ADAMTSL1: variants seen among roughly 807,000 people sequenced by gnomAD.
The protein encoded by ADAMTSL1 is ADAMTS like 1.
Under a neutral mutation model 201.8 loss-of-function variants are expected in ADAMTSL1, and 126 were observed. The observed-to-expected ratio is 0.62, with a 90% CI of 0.54 to 0.72. The LOEUF (loss-of-function observed/expected upper bound fraction) is 0.72. ADAMTSL1 is among the 30% of genes least tolerant of loss of function. The pLI, the probability that ADAMTSL1 is intolerant of heterozygous loss-of-function variation, is 0.00. For missense variants in ADAMTSL1, 2,679 were observed against 2,277.8 expected, an observed-to-expected ratio of 1.18 and a Z score of -3.59; for synonymous variants, 1,121 against 903.4, an observed-to-expected ratio of 1.24 and a Z score of -4.32.
chr9:18,132,914 C>A (rs573344906), intron 1 of ADAMTSL1, among the ~76,000 whole-genome samples: 1 of 152,056 alleles, frequency 6.6e-6, no homozygotes, highest in Non-Finnish European at 1.5e-5. Context: ...CAAGAATTTG[C>A]CAAGGATTAC....
chr9:18,232,693 T>G lies in ADAMTSL1; in HGVS notation c.207+68712T>G, dbSNP rs879265574. On this transcript the variant is annotated intron_variant, in intron 2 of 29. Coordinates refer to the ADAMTSL1 transcript ENST00000680146. Reference sequence around the variant, plus strand: ...TTCCTTCTATTTCTGCTCTGAATCATTCTGACAAATAGTAAATTTGTACAC... The same window carrying G: ...TTCCTTCTATTTCTGCTCTGAATCAGTCTGACAAATAGTAAATTTGTACAC... Among the ~76,000 whole-genome samples the G allele has an allele frequency of 7.9e-5, 12 of 152,272 alleles. 1 individual carries two copies. The highest frequency in any genetic ancestry group is 5.9e-4 in the Admixed American group (9 of 15,288).
intron 2 of ADAMTSL1, among the ~76,000 whole-genome samples, chr9:18,193,574 T>C (rs75872494): frequency 0.013 from 1,902 of 151,846 alleles, 56 homozygotes; most frequent in African/African-American, 0.044. Context: ...GATGTCCAAA[T>C]CCAGATGTGA....
At chr9:18,904,218 C>G (rs1830162564) in intron 26 of ADAMTSL1, among the ~76,000 whole-genome samples, 1 of 152,094 alleles carries the variant, frequency 6.6e-6, no homozygotes, top group African/African-American at 2.4e-5. Flanking sequence ...CCTGGACTCC[C>G]AGCACTTTGG....
intron 2 of ADAMTSL1, among the ~76,000 whole-genome samples, chr9:18,372,770 C>T (rs745426358): frequency 6.6e-6 from 1 of 152,178 alleles, no homozygotes; most frequent in Middle Eastern, 3.2e-3. Context: ...ATGTGGGGCT[C>T]TCTAAAATAT....
intron 2 of ADAMTSL1, among the ~76,000 whole-genome samples, chr9:18,322,963 T>C (rs75418861): frequency 0.022 from 3,292 of 152,298 alleles, 71 homozygotes; most frequent in African/African-American, 0.06. Context: ...ATGAAGCATT[T>C]AAGGAAGAGC....
chr9:18,036,458 G>A (rs766700520), intron 1 of ADAMTSL1, among the ~76,000 whole-genome samples: 2 of 152,184 alleles, frequency 1.3e-5, no homozygotes, highest in South Asian at 4.1e-4. Flanking sequence ...CTTGGTCAAA[G>A]TAACTCTAGG....
chr9:18,288,167 T>C (rs1833097241), intron 2 of ADAMTSL1, among the ~76,000 whole-genome samples: 1 of 152,004 alleles, frequency 6.6e-6, no homozygotes, highest in South Asian at 2.1e-4. Flanking sequence ...TCACATTCAG[T>C]CGACAATCTT....
chr9:17,976,413 T>C (rs1298916512), intron 1 of ADAMTSL1, among the ~76,000 whole-genome samples: 1 of 152,030 alleles, frequency 6.6e-6, no homozygotes, highest in African/African-American at 2.4e-5. Context: ...ATCAGTATTT[T>C]ATAGTTTTTG....
chr9:17,997,565 C>T (rs987980405), intron 1 of ADAMTSL1, among the ~76,000 whole-genome samples: 2 of 152,128 alleles, frequency 1.3e-5, no homozygotes, highest in Non-Finnish European at 1.5e-5. Context: ...AGACAAATAT[C>T]TATGTGAAAA....
At chr9:18,391,756 G>A (rs551015132) in intron 2 of ADAMTSL1, among the ~76,000 whole-genome samples, 2 of 151,666 alleles carry the variant, frequency 1.3e-5, no homozygotes, top group Non-Finnish European at 2.9e-5. Context: ...AGACAATGAA[G>A]ACTCAGATGA....
intron 2 of ADAMTSL1, among the ~76,000 whole-genome samples, chr9:18,262,489 G>T (rs1465794073): frequency 6.6e-6 from 1 of 152,182 alleles, no homozygotes; most frequent in Admixed American, 6.5e-5. Context: ...TATCGTATAA[G>T]AGACATTCTT....
chr9:17,986,716 G>A (rs1337425901), intron 1 of ADAMTSL1, among the ~76,000 whole-genome samples: 1 of 152,076 alleles, frequency 6.6e-6, no homozygotes, highest in African/African-American at 2.4e-5. Flanking sequence ...AACTGACAGT[G>A]TGGCATTGCA....
In ADAMTSL1 at chr9:18,777,214, C is replaced by T; in HGVS notation, c.2985C>T (p.His995=). The change falls in exon 19 of 29, where the codon CAC becomes CAT. Residue 995 remains histidine (H), a synonymous_variant. Transcript: ENST00000380548. ...KGGPKEALQT[H]KHQNGIFSNG... is the part of the protein sequence containing the mutation. ...GCCCGAAGGAGGCCCTGCAGACCCA[C>T]AAACACCAGAACGGGATCTTCTCCA... is the stretch of plus-strand genomic sequence containing the variant. 1 of 1,612,842 alleles carries T rather than the reference C, an allele frequency of 6.2e-7. No individual in the cohort carries two copies. The highest frequency in any genetic ancestry group is 1.3e-5 in the African/African-American group (1 of 75,068).
intron 15 of ADAMTSL1, among the ~76,000 whole-genome samples, chr9:18,748,899 AC>A (rs1278528254): frequency 6.6e-6 from 1 of 152,042 alleles, no homozygotes; most frequent in East Asian, 1.9e-4. Context: ...GCAGGACTGT[AC>A]TCCCTCTGAA....
intron 2 of ADAMTSL1, among the ~76,000 whole-genome samples, chr9:18,362,863 TG>T (rs896020139): frequency 4.6e-5 from 7 of 152,170 alleles, no homozygotes. Flanking sequence ...GAAACTTAAT[TG>T]AAAGCAACAA....
chr9:18,761,489 T>G (rs1820069044), intron 16 of ADAMTSL1, among the ~76,000 whole-genome samples: 1 of 152,214 alleles, frequency 6.6e-6, no homozygotes, highest in Non-Finnish European at 1.5e-5. Context: ...TTCTTATGTA[T>G]TTTGCTTATT....
chr9:18,382,934 A>C (rs1837620123), intron 2 of ADAMTSL1, among the ~76,000 whole-genome samples: 1 of 152,196 alleles, frequency 6.6e-6, no homozygotes, highest in Admixed American at 6.5e-5. Context: ...ACACGTGAAA[A>C]CTGCAGTAAG....
intron 1 of ADAMTSL1, among the ~76,000 whole-genome samples, chr9:17,963,202 C>G (rs1030610572): frequency 6.6e-6 from 1 of 152,284 alleles, no homozygotes. Context: ...TTCAAACATA[C>G]AGAAGTGTCA....
chr9:18,681,864 AC>A lies in ADAMTSL1; in HGVS notation c.1396del (p.His466IlefsTer17). 6.2e-7 allele frequency: 1 copy of A among 1,614,066 alleles called. No homozygotes were observed. Among genetic ancestry groups the A allele is most frequent in the Admixed American group, 1.7e-5 (1 of 60,024 alleles). Reference sequence around the variant, plus strand: ...AGATACCGTGTGGTCCTCTGCATCGACCATCGAGGAATGCACACAGGAGGCT... The same window carrying A: ...AGATACCGTGTGGTCCTCTGCATCGACATCGAGGAATGCACACAGGAGGCT... Reference protein sequence around the residue: ...GLRYRVVLCIDHRGMHTGGCS... With the variant: ...GLRYRVVLCIXHRGMHTGGCS... On this transcript the variant is annotated frameshift_variant, in exon 12 of 29. Transcript: ENST00000380548. LOFTEE classifies it high-confidence loss of function.
Sources: allele counts gnomAD v4.1 joint callset (sites outside exome capture counted in the v4.1 genomes callset), GRCh38; gene constraint gnomAD v4.1.1; transcripts MANE v1.5; gene names NCBI Gene and HGNC (gene_info 2026-07-23, HGNC 2026-07-21).